Variants in PSMD14 observed in about 807,000 individuals in gnomAD.
PSMD14 encodes ubiquitin C-terminal hydrolase PSMD14.
PSMD14 carries 7 observed loss-of-function variants against 41.2 expected under a neutral mutation model. The observed-to-expected ratio is 0.17, with a 90% confidence interval of 0.10 to 0.32. PSMD14 has a LOEUF of 0.32. Among genes scored for constraint, PSMD14 ranks in the 10% least tolerant of loss-of-function variants. The pLI, the probability that PSMD14 is intolerant of heterozygous loss-of-function variation, is 1.00. For missense variants in PSMD14, 139 were observed against 375.6 expected, an observed-to-expected ratio of 0.37 and a Z score of 5.21; for synonymous variants, 114 against 122.3, an observed-to-expected ratio of 0.93 and a Z score of 0.45.
intron 9 of PSMD14, among the ~76,000 whole-genome samples, chr2:161,393,182 G>C (rs1380483227): frequency 6.6e-6 from 1 of 152,184 alleles, no homozygotes; most frequent in South Asian, 2.1e-4. Flanking sequence ...GGAATATCCT[G>C]TTGCTCCTTG....
At chr2:161,396,423 T>A (rs1284246976) in intron 10 of PSMD14, among the ~76,000 whole-genome samples, 2 of 152,068 alleles carry the variant, frequency 1.3e-5, no homozygotes, top group Non-Finnish European at 2.9e-5. Flanking sequence ...TGTATAGATA[T>A]ACATACAATG....
chr2:161,341,563 G>T (rs1682961850), intron 3 of PSMD14, among the ~76,000 whole-genome samples: 1 of 151,508 alleles, frequency 6.6e-6, no homozygotes. Context: ...ATTTGGGCCG[G>T]GCACGGTGGC....
At chr2:161,408,139 T>G (rs1683978177) in intron 10 of PSMD14, 1 of 152,238 alleles carries the variant, frequency 6.6e-6, no homozygotes, top group Admixed American at 6.5e-5. Flanking sequence ...TTTGGGTTAA[T>G]TTAATTTTGA....
intron 2 of PSMD14, 56 bp from the exon 3 acceptor site, chr2:161,318,766 A>C: frequency 1.5e-6 from 2 of 1,357,532 alleles, no homozygotes; most frequent in Admixed American, 3.6e-5. Flanking sequence ...TATAGATAGC[A>C]ATTGAATAAA....
chr2:161,313,374 G>T (rs1689111379), intron 1 of PSMD14, among the ~76,000 whole-genome samples: 1 of 151,948 alleles, frequency 6.6e-6, no homozygotes, highest in Non-Finnish European at 1.5e-5. Flanking sequence ...TTTTGAGATG[G>T]AGTCTTGCTG....
At chr2:161,340,937 C>T (rs1682946100) in intron 3 of PSMD14, 3 of 1,613,672 alleles carry the variant, frequency 1.9e-6, no homozygotes, top group Non-Finnish European at 2.5e-6. Flanking sequence ...CCTCCTCAGG[C>T]CCTTCCGATG....
chr2:161,341,639 A>G (rs1682962796), intron 3 of PSMD14, among the ~76,000 whole-genome samples: 1 of 151,382 alleles, frequency 6.6e-6, no homozygotes, highest in Non-Finnish European at 1.5e-5. Context: ...GGAGATTGAG[A>G]CCATTCTGAC....
At chr2:161,370,989 T>TA (rs1244004472) in intron 6 of PSMD14, among the ~76,000 whole-genome samples, 183 bp from the exon 7 acceptor site, 1 of 152,194 alleles carries the variant, frequency 6.6e-6, no homozygotes, top group African/African-American at 2.4e-5. Flanking sequence ...TTGTCACACA[T>TA]ATTCATTTCC....
intron 3 of PSMD14, among the ~76,000 whole-genome samples, chr2:161,321,102 A>G (rs994078688): frequency 5.9e-5 from 9 of 152,218 alleles, no homozygotes; most frequent in Admixed American, 2.6e-4. Flanking sequence ...AGGCATAGGC[A>G]CCAATAGTAG....
At chr2:161,372,140 C>G (rs1366014566) in intron 7 of PSMD14, among the ~76,000 whole-genome samples, 1 of 151,968 alleles carries the variant, frequency 6.6e-6, no homozygotes, top group Non-Finnish European at 1.5e-5. Flanking sequence ...TACAGACATA[C>G]AGAAATTGGC....
At chr2:161,320,917 T>C (rs1218974050) in intron 3 of PSMD14, among the ~76,000 whole-genome samples, 1 of 151,824 alleles carries the variant, frequency 6.6e-6, no homozygotes, top group Non-Finnish European at 1.5e-5. Flanking sequence ...GTAGAGACTA[T>C]GTTTCACCAT....
chr2:161,381,244 G>T (rs1433839787), intron 7 of PSMD14: 1 of 149,008 alleles, frequency 6.7e-6, no homozygotes. Context: ...TAATATATAG[G>T]TATACATATA....
intron 3 of PSMD14, among the ~76,000 whole-genome samples, chr2:161,360,178 T>G (rs1295254242): frequency 6.8e-6 from 1 of 147,742 alleles, no homozygotes; most frequent in African/African-American, 2.5e-5. Flanking sequence ...CCGTAACATA[T>G]ATATATGCAT....
At chr2:161,337,580 A>G (rs1045385239) in intron 3 of PSMD14, among the ~76,000 whole-genome samples, 2 of 152,238 alleles carry the variant, frequency 1.3e-5, no homozygotes, top group Non-Finnish European at 2.9e-5. Context: ...AGTATCATTC[A>G]GATTGTTAAT....
At chr2:161,378,907 C>T (rs1683537758) in intron 7 of PSMD14, among the ~76,000 whole-genome samples, 1 of 151,970 alleles carries the variant, frequency 6.6e-6, no homozygotes, top group Non-Finnish European at 1.5e-5. Flanking sequence ...AAGTGATACA[C>T]AGCAAAGTAA....
At chr2:161,349,262 T>C (rs1683085750) in intron 3 of PSMD14, among the ~76,000 whole-genome samples, 1 of 152,208 alleles carries the variant, frequency 6.6e-6, no homozygotes, top group African/African-American at 2.4e-5. Flanking sequence ...GTTATGCCTT[T>C]TGGATATACT....
chr2:161,344,579 T>A (rs1276774021), intron 3 of PSMD14, among the ~76,000 whole-genome samples: 2 of 152,190 alleles, frequency 1.3e-5, no homozygotes, highest in Admixed American at 1.3e-4. Context: ...TGATTATCTT[T>A]TAAAGAGAGT....
chr2:161,397,021 G>T (rs1476468456), intron 10 of PSMD14, among the ~76,000 whole-genome samples: 1 of 152,096 alleles, frequency 6.6e-6, no homozygotes, highest in Non-Finnish European at 1.5e-5. Context: ...TAGAGACGGG[G>T]TTTCACCATG....
intron 5 of PSMD14, among the ~76,000 whole-genome samples, 179 bp from the exon 6 acceptor site, chr2:161,369,928 G>A (rs1683410133): frequency 2.0e-5 from 3 of 152,046 alleles, no homozygotes; most frequent in African/African-American, 7.2e-5. Flanking sequence ...CAGCAGTTTG[G>A]TAGTTGGCAA....
Sources: gnomAD v4.1 joint callset for allele counts (sites outside exome capture counted in the v4.1 genomes callset) on GRCh38, gnomAD v4.1.1 for gene constraint, MANE v1.5 for transcripts, NCBI Gene and HGNC (gene_info 2026-07-23, HGNC 2026-07-21) for gene names.